The following SLC13A1 variants were observed in gnomAD, a reference collection of about 807,000 sequenced individuals.
SLC13A1 encodes solute carrier family 13 member 1.
In SLC13A1, 65 loss-of-function variants were observed where a neutral mutation model predicts 70.0. The ratio of observed to expected loss-of-function variants is 0.93; its 90% confidence interval spans 0.76 to 1.14. The LOEUF (loss-of-function observed/expected upper bound fraction) is 1.14. Among genes scored for constraint, SLC13A1 ranks in the 50% most tolerant of loss-of-function variants. SLC13A1 has a pLI of 0.00. For synonymous variants in SLC13A1, 275 were observed against 250.5 expected (o/e 1.10, Z -0.92); for missense variants, 726 against 717.8 (o/e 1.01, Z -0.13).
At chr7:123,176,637 T>C (rs1795454819) in intron 2 of SLC13A1, among the ~76,000 whole-genome samples, 1 of 152,162 alleles carries the variant, frequency 6.6e-6, no homozygotes, top group South Asian at 2.1e-4. Context: ...AAAAGGTGCT[T>C]TGTTAGTTAT....
At chr7:123,186,422 T>C (rs1795802695) in intron 1 of SLC13A1, among the ~76,000 whole-genome samples, 3 of 152,150 alleles carry the variant, frequency 2.0e-5, no homozygotes, top group Admixed American at 2.0e-4. Context: ...AGTAGCTTCA[T>C]TTTGTCACTA....
At chr7:123,192,562 T>C (rs968321485) in intron 1 of SLC13A1, among the ~76,000 whole-genome samples, 18 of 152,174 alleles carry the variant, frequency 1.2e-4, no homozygotes, top group Non-Finnish European at 1.5e-4. Flanking sequence ...AGTACGTATG[T>C]GGGTATGATC....
chr7:123,153,278 G>A (rs533636693), intron 6 of SLC13A1, among the ~76,000 whole-genome samples: 9 of 152,058 alleles, frequency 5.9e-5, no homozygotes, highest in African/African-American at 2.2e-4. Flanking sequence ...TACTGCACAT[G>A]AGCTGATGTT....
intron 7 of SLC13A1, among the ~76,000 whole-genome samples, chr7:123,139,034 A>G (rs1179367486): frequency 1.3e-5 from 2 of 152,044 alleles, no homozygotes; most frequent in African/African-American, 4.8e-5. Context: ...TTCTTGTAGT[A>G]GTTTCATAGT....
chr7:123,131,106 G>A (rs1458254662), intron 8 of SLC13A1, among the ~76,000 whole-genome samples: 1 of 152,118 alleles, frequency 6.6e-6, no homozygotes, highest in Non-Finnish European at 1.5e-5. Context: ...AGTATCTGGG[G>A]CAAGCCTATA....
In SLC13A1 at chr7:123,115,409, A is replaced by ACC. The variant is rs754541802; in HGVS notation, c.*107_*108dup. ...TATTCACAGGAATTGCAGCAGCTAC[A>ACC]CCATAACTGATTTAAATGTGTGTCA... is the stretch of plus-strand genomic sequence containing the variant. On this transcript the variant is annotated 3_prime_UTR_variant, in exon 15 of 15. Transcript: ENST00000194130. The ACC allele has an allele frequency of 1.7e-6, 2 of 1,149,124 alleles. No homozygotes were observed. Among genetic ancestry groups the ACC allele is most frequent in the Non-Finnish European group, 2.5e-6 (2 of 799,708 alleles). 71.2% of individuals were successfully genotyped at this position (1,149,124 alleles called of 1,614,324 possible). A position where few individuals can be genotyped will look rare whatever the true frequency, so the allele number is the denominator to read the frequency against.
Position 123,113,547 on chromosome 7 carries a change from C to T in SLC13A1, c.*1971G>A, listed in dbSNP as rs1220453524. 4 of 152,108 alleles carry T rather than the reference C, an allele frequency of 2.6e-5. No homozygotes were observed. Among genetic ancestry groups the T allele is most frequent in the Admixed American group, 2.0e-4 (3 of 15,266 alleles). 9.4% of individuals were successfully genotyped at this position (152,108 alleles called of 1,614,324 possible). A position where few individuals can be genotyped will look rare whatever the true frequency, so the allele number is the denominator to read the frequency against. ...ACTTACTCATTATAATTTGAAAAGT[C>T]ATTTTATTTTTTCATAATAAAAATG... On this transcript the variant is annotated 3_prime_UTR_variant, in exon 15 of 15. Coordinates refer to ENST00000194130, the MANE Select transcript of SLC13A1 (RefSeq NM_022444.4).
chr7:123,120,525 C>T (rs1207905576), intron 12 of SLC13A1, among the ~76,000 whole-genome samples: 3 of 151,922 alleles, frequency 2.0e-5, no homozygotes, highest in Admixed American at 6.6e-5. Flanking sequence ...TGTGTTTCTC[C>T]CCCACATGGA....
chr7:123,151,008 C>T (rs1348046557), intron 6 of SLC13A1, among the ~76,000 whole-genome samples: 1 of 152,014 alleles, frequency 6.6e-6, no homozygotes, highest in African/African-American at 2.4e-5. Context: ...CATCTAGACC[C>T]ATGTATCCAA....
chr7:123,179,539 A>G (rs1286336224), intron 2 of SLC13A1, among the ~76,000 whole-genome samples: 1 of 152,128 alleles, frequency 6.6e-6, no homozygotes, highest in Non-Finnish European at 1.5e-5. Context: ...CAAAACTGCC[A>G]TTGGCACCTA....
intron 7 of SLC13A1, among the ~76,000 whole-genome samples, chr7:123,144,181 G>A (rs892649404): frequency 6.6e-6 from 1 of 152,132 alleles, no homozygotes; most frequent in Non-Finnish European, 1.5e-5. Flanking sequence ...AGTTTTTGAA[G>A]TGGTCATGTT....
chr7:123,185,515 C>T (rs1167418516), intron 1 of SLC13A1, among the ~76,000 whole-genome samples: 1 of 152,042 alleles, frequency 6.6e-6, no homozygotes, highest in Non-Finnish European at 1.5e-5. Flanking sequence ...TTTAGTTTCA[C>T]TAACACCATT....
At chr7:123,142,345 C>T (rs1794183711) in intron 7 of SLC13A1, among the ~76,000 whole-genome samples, 1 of 152,104 alleles carries the variant, frequency 6.6e-6, no homozygotes, top group African/African-American at 2.4e-5. Context: ...CAGAGGACTC[C>T]CCCTCCTTCC....
chr7:123,117,665 T>TAAAA, intron 13 of SLC13A1, 57 bp from the exon 14 acceptor site: 2 of 865,694 alleles, frequency 2.3e-6, no homozygotes, highest in Non-Finnish European at 3.3e-6. Context: ...ACACGAAACA[T>TAAAA]AAAAAAAAAA....
At chr7:123,191,493 A>G (rs973636585) in intron 1 of SLC13A1, among the ~76,000 whole-genome samples, 10 of 152,142 alleles carry the variant, frequency 6.6e-5, no homozygotes, top group African/African-American at 1.2e-4. Flanking sequence ...TGTGTTTCCA[A>G]TGGAGAAAGA....
chr7:123,172,941 A>G (rs954517818), intron 2 of SLC13A1, among the ~76,000 whole-genome samples: 8 of 152,066 alleles, frequency 5.3e-5, no homozygotes, highest in African/African-American at 1.9e-4. Context: ...TATACTACAT[A>G]TTTTTCAGAT....
intron 1 of SLC13A1, among the ~76,000 whole-genome samples, chr7:123,197,937 C>G (rs1227306820): frequency 6.6e-6 from 1 of 152,068 alleles, no homozygotes; most frequent in Non-Finnish European, 1.5e-5. Flanking sequence ...AATTGTCATG[C>G]ATTTATATGT....
rs28364179 is a variant in SLC13A1 at position 123,180,865 on chromosome 7, G to A, written c.228+108C>T. 684 of 1,216,084 alleles carry A rather than the reference G, an allele frequency of 5.6e-4. 5 individuals carry two copies. In the African/African-American group the frequency reaches 9.6e-3, roughly 17 times the overall value. 75.3% of individuals were successfully genotyped at this position (1,216,084 alleles called of 1,614,324 possible). A position where few individuals can be genotyped will look rare whatever the true frequency, so the allele number is the denominator to read the frequency against. On this transcript the variant is annotated intron_variant, in intron 2 of 14. Coordinates refer to ENST00000194130, the MANE Select transcript of SLC13A1 (RefSeq NM_022444.4). ...ACAGTTGGAAGTTTGGGGGACTTATGTGGAACCTTACCAACGAGATGATTG... is the reference window on the plus strand; with the variant it reads ...ACAGTTGGAAGTTTGGGGGACTTATATGGAACCTTACCAACGAGATGATTG...
chr7:123,188,069 C>A lies in SLC13A1; in HGVS notation c.100-6968G>T, dbSNP rs144839148. ...CTCATCTTGAATTGTAATCTCCATG[C>A]TACCCAGGTGTCAAGGGAGAAACCA... is the stretch of plus-strand genomic sequence containing the variant. On this transcript the variant is annotated intron_variant, in intron 1 of 14. Transcript: ENST00000194130. 9.7e-3 allele frequency among the ~76,000 whole-genome samples: 1,474 copies of A among 152,254 alleles called. 25 individuals are homozygous for A. Among genetic ancestry groups the A allele is most frequent in the African/African-American group, 0.033 (1,373 of 41,530 alleles).
Sources: gnomAD v4.1 joint callset for allele counts (sites outside exome capture counted in the v4.1 genomes callset) on GRCh38, gnomAD v4.1.1 for gene constraint, MANE v1.5 for transcripts, NCBI Gene and HGNC (gene_info 2026-07-23, HGNC 2026-07-21) for gene names.